CACNA1A: variants seen among roughly 807,000 people sequenced by gnomAD.
CACNA1A encodes voltage-dependent P/Q-type calcium channel subunit alpha-1A.
CACNA1A carries 57 observed loss-of-function variants against 262.4 expected under a neutral mutation model. That is an observed-to-expected ratio of 0.22 (90% confidence interval 0.18 to 0.27). CACNA1A has a LOEUF of 0.27. Ranked by LOEUF, CACNA1A falls within the 10% of genes least tolerant of loss-of-function variation. The probability of loss-of-function intolerance (pLI) is 1.00; values close to 1 mark genes in which losing one functional copy is unlikely to be tolerated. For synonymous variants in CACNA1A, 1,431 were observed against 1,419.3 expected (o/e 1.01, Z -0.18); for missense variants, 2,526 against 3,562.8 (o/e 0.71, Z 7.41).
Position 13,308,215 on chromosome 19 carries a change from G to C in CACNA1A, c.1818C>G (p.Leu606=), listed in dbSNP as rs767813535. 4 of 1,613,872 alleles carry C rather than the reference G, an allele frequency of 2.5e-6. No individual in the cohort carries two copies. Among genetic ancestry groups the C allele is most frequent in the Non-Finnish European group, 3.4e-6 (4 of 1,179,826 alleles). ...TGATGATGGACTTCATGGAGTTGAG[G>C]AGAGAGACGACCAGGTTTCTGAGAG... ...WASLRNLVVS[L]LNSMKSIISL... is the part of the protein sequence containing the mutation. The change falls in exon 14 of 47, where the codon CTC becomes CTG. Residue 606 remains leucine, a synonymous_variant. Coordinates refer to ENST00000360228, the MANE Select transcript of CACNA1A (RefSeq NM_001127222.2). The surrounding 1 kb of genome is among the most constrained non-coding windows in gnomAD (Gnocchi z 4.2).
rs1423706212 is a variant in CACNA1A, at chr19:13,286,551, C to G, written c.3505G>C (p.Asp1169His). Residue 1169 changes from aspartate to histidine, a missense_variant, in exon 20 of 47, where the codon GAC becomes CAC. Asp to His is a moderately conservative substitution (Grantham distance 81, BLOSUM62 -1). Coordinates refer to ENST00000360228, the MANE Select transcript of CACNA1A (RefSeq NM_001127222.2). ...TARKPDHTTV[D>H]IPPACPPPLN... Reference sequence around the variant, plus strand: ...GGGGGTGGGCAGGCTGGGGGGATGTCCACTGTGGTGTGGTCGGGTTTCCTG... The same window carrying G: ...GGGGGTGGGCAGGCTGGGGGGATGTGCACTGTGGTGTGGTCGGGTTTCCTG... 6.5e-7 allele frequency: 1 copy of G among 1,542,722 alleles called. No individual in the cohort carries two copies. Among genetic ancestry groups the G allele is most frequent in the Non-Finnish European group, 8.7e-7 (1 of 1,148,924 alleles).
intron 3 of CACNA1A, among the ~76,000 whole-genome samples, chr19:13,399,088 C>T (rs771946880): frequency 1.3e-5 from 2 of 152,158 alleles, no homozygotes; most frequent in Non-Finnish European, 2.9e-5. Context: ...ACTAGCTGCT[C>T]TGGTTCAGGG....
At chr19:13,386,914 G>A (rs1055074584) in intron 3 of CACNA1A, among the ~76,000 whole-genome samples, 1 of 152,108 alleles carries the variant, frequency 6.6e-6, no homozygotes, top group African/African-American at 2.4e-5. Flanking sequence ...AGACATTGTT[G>A]AGCCAAGGAA....
intron 34 of CACNA1A, among the ~76,000 whole-genome samples, chr19:13,232,558 T>C (rs1227708707): frequency 3.3e-5 from 5 of 150,034 alleles, no homozygotes; most frequent in South Asian, 2.1e-4. Context: ...GGTGAAACCC[T>C]ATCTCTACTA....
At chr19:13,429,166 GTA>G (rs1491522532) in intron 3 of CACNA1A, among the ~76,000 whole-genome samples, 18 of 83,068 alleles carry the variant, frequency 2.2e-4, no homozygotes, top group Non-Finnish European at 2.6e-4. Flanking sequence ...ATCACTGTGC[GTA>G]CACACACACA....
chr19:13,256,237 A>G (rs946154661), intron 28 of CACNA1A: 9 of 151,952 alleles, frequency 5.9e-5, no homozygotes, highest in African/African-American at 1.7e-4. Flanking sequence ...GGCTCAAGCA[A>G]TCCTCCTGCC....
chr19:13,506,198 C>T lies in CACNA1A; in HGVS notation c.27G>A (p.Pro9=). 1 of 1,496,124 alleles carries T rather than the reference C, an allele frequency of 6.7e-7. No homozygotes were observed. Among genetic ancestry groups the T allele is most frequent in the Non-Finnish European group, 8.9e-7 (1 of 1,128,386 alleles). 92.7% of individuals were successfully genotyped at this position (1,496,124 alleles called of 1,614,324 possible). The change falls in exon 1 of 47, where the codon CCG becomes CCA. Residue 9 remains proline (P), a synonymous_variant. Transcript: ENST00000360228. The part of the protein sequence containing the change: MARFGDEM[P]ARYGGGGSGA... ...CGGAGCCTCCTCCCCCGTAGCGGGCCGGCATCTCGTCTCCGAAGCGGGCCA... is the reference window on the plus strand; with the variant it reads ...CGGAGCCTCCTCCCCCGTAGCGGGCTGGCATCTCGTCTCCGAAGCGGGCCA...
Position 13,259,552 on chromosome 19 carries a change from C to A in CACNA1A, c.4388+12G>T. 1 of 1,595,750 alleles carries A rather than the reference C, an allele frequency of 6.3e-7. No individual in the cohort carries two copies. The highest frequency in any genetic ancestry group is 8.5e-7 in the Non-Finnish European group (1 of 1,170,138). ...GGCTCCTCCTGGATAGATTTCCAGT[C>A]GGGCCACTTACTGTGGCCAGCCTTC... On this transcript the variant is annotated intron_variant, in intron 27 of 46. Coordinates refer to ENST00000360228, the MANE Select transcript of CACNA1A (RefSeq NM_001127222.2).
In CACNA1A at chr19:13,359,798, A is replaced by G. The variant is rs944129354; in HGVS notation, c.786T>C (p.Asp262=). ...FHTTCFEEGT[D]DIQGESPAPC... Reference sequence around the variant, plus strand: ...GAGCCGGAGACTCACCCTGAATGTCATCTACAAAAGGGAAGGGGAGAAAAG... The same window carrying G: ...GAGCCGGAGACTCACCCTGAATGTCGTCTACAAAAGGGAAGGGGAGAAAAG... Residue 262 remains aspartate (D), a splice_region_variant and synonymous_variant, in exon 6 of 47, where the codon GAT becomes GAC. Transcript: ENST00000360228. The G allele has an allele frequency of 6.6e-7, 1 of 1,510,106 alleles. No individual in the cohort carries two copies. The highest frequency in any genetic ancestry group is 1.4e-5 in the African/African-American group (1 of 72,336). The allele number at this position is 1,510,106 out of a possible 1,614,324, so 93.5% of individuals were successfully genotyped here.
rs1428412917 is a variant in CACNA1A at position 13,227,633 on chromosome 19, A to G, written c.5529-106T>C. ...GAGGTGGGGAGAAACAGAAGAAAGA[A>G]AAAAGAAATCCACACGAGCCGAAAA... is the stretch of plus-strand genomic sequence containing the variant. On this transcript the variant is annotated intron_variant, in intron 36 of 46. Transcript: ENST00000360228. 7.6e-5 allele frequency: 35 copies of G among 459,734 alleles called. No individual in the cohort carries two copies. The East Asian group carries it at 1.2e-3, about 16-fold the overall frequency. The allele number at this position is 459,734 out of a possible 1,614,324, so 28.5% of individuals were successfully genotyped here. A position where few individuals can be genotyped will look rare whatever the true frequency, so the allele number is the denominator to read the frequency against.
intron 3 of CACNA1A, among the ~76,000 whole-genome samples, chr19:13,427,952 T>A (rs1388735736): frequency 6.6e-6 from 1 of 152,050 alleles, no homozygotes; most frequent in Non-Finnish European, 1.5e-5. Context: ...GTTGTTTTTT[T>A]TTGTGTGTGT....
Position 13,262,532 on chromosome 19 carries a change from T to A in CACNA1A, c.4089+202A>T, listed in dbSNP as rs1342150241. ...CACTTCATCTAAAGAAAAACTGCCATAATACACAGATTATTTTAGGTCAGC... is the reference window on the plus strand; with the variant it reads ...CACTTCATCTAAAGAAAAACTGCCAAAATACACAGATTATTTTAGGTCAGC... On this transcript the variant is annotated intron_variant, in intron 25 of 46. Coordinates refer to ENST00000360228, the MANE Select transcript of CACNA1A (RefSeq NM_001127222.2). The A allele has an allele frequency of 7.2e-6, 4 of 558,034 alleles. No homozygotes were observed. In the Admixed American group the frequency reaches 1.2e-4, roughly 17 times the overall value. 34.6% of individuals were successfully genotyped at this position (558,034 alleles called of 1,614,324 possible).
chr19:13,272,643 CTG>C (rs1184669485), intron 24 of CACNA1A: 5 of 149,818 alleles, frequency 3.3e-5, no homozygotes, highest in Admixed American at 1.3e-4. Context: ...AAGATAGAAA[CTG>C]AGAGGGGGTA....
At chr19:13,274,830 A>G (rs1424367579) in intron 24 of CACNA1A, 1 of 152,164 alleles carries the variant, frequency 6.6e-6, no homozygotes, top group African/African-American at 2.4e-5. Context: ...GTAGCCATCC[A>G]AGACTTGGGG....
chr19:13,300,668 G>A lies in CACNA1A; in HGVS notation c.2173-12C>T, dbSNP rs16018. ...TCCTCTTGCTCGTCCTAAAAGGCAC[G>A]TGGAATCTTTGTTCACAAAACATGA... On this transcript the variant is annotated splice_polypyrimidine_tract_variant and intron_variant, in intron 17 of 46. Transcript: ENST00000360228. 1,149,059 of 1,608,152 alleles carry A rather than the reference G, an allele frequency of 0.71. 416,334 individuals are homozygous for A. The highest frequency in any genetic ancestry group is 0.99 in the East Asian group (44,466 of 44,854).
chr19:13,259,735 G>C, intron 26 of CACNA1A, 34 bp from the exon 27 acceptor site: 3 of 1,605,984 alleles, frequency 1.9e-6, no homozygotes, highest in Non-Finnish European at 2.6e-6. Context: ...TAGTAAATGG[G>C]AAAGAGGGGC....
intron 26 of CACNA1A, chr19:13,259,958 C>A: frequency 2.3e-6 from 1 of 431,136 alleles, no homozygotes; most frequent in Admixed American, 3.6e-5. Flanking sequence ...GGGTCCAGCA[C>A]CCTCTTCCAA....
intron 34 of CACNA1A, among the ~76,000 whole-genome samples, chr19:13,233,929 C>T (rs1158942073): frequency 2.0e-5 from 3 of 151,906 alleles, no homozygotes; most frequent in Non-Finnish European, 4.4e-5. Context: ...GGTGCATCCT[C>T]GTTTTTCAGC....
At chr19:13,281,515 T>C (rs565655224) in intron 22 of CACNA1A, among the ~76,000 whole-genome samples, 2 of 151,878 alleles carry the variant, frequency 1.3e-5, no homozygotes, top group African/African-American at 4.8e-5. Context: ...TGGGTCTGGA[T>C]CATCCTCTAG....
Sources: gnomAD v4.1 joint callset for allele counts (sites outside exome capture counted in the v4.1 genomes callset) on GRCh38, gnomAD v4.1.1 for gene constraint, Gnocchi (gnomAD v3.1) non-coding constraint, MANE v1.5 for transcripts, NCBI Gene and HGNC (gene_info 2026-07-23, HGNC 2026-07-21) for gene names.